The following FTCDNL1 variants were observed in gnomAD, a reference collection of about 807,000 sequenced individuals.
FTCDNL1 encodes formiminotransferase cyclodeaminase N-terminal like, also known as formiminotransferase N-terminal subdomain-containing protein.
FTCDNL1 carries 11 observed loss-of-function variants against 5.9 expected under a neutral mutation model. The ratio of observed to expected loss-of-function variants is 1.87; its 90% CI spans 1.18 to 3.10. The LOEUF is 3.10. Among genes scored for constraint, FTCDNL1 ranks in the 30% most tolerant of loss-of-function variants. The pLI is 0.00. For synonymous variants in FTCDNL1, 58 were observed against 24.8 expected, an observed-to-expected ratio of 2.34 and a Z score of -3.99; for missense variants, 115 against 65.5, an observed-to-expected ratio of 1.76 and a Z score of -2.61.
At chr2:199,733,134 C>G in the FTCDNL1 span, among the ~76,000 whole-genome samples, 2 of 152,242 alleles carry the variant, frequency 1.3e-5, no homozygotes, top group African/African-American at 4.8e-5. Flanking sequence ...TTGCCATAAG[C>G]ACAGAATGAT....
At chr2:199,687,969 G>A in the FTCDNL1 span, among the ~76,000 whole-genome samples, 20 of 152,074 alleles carry the variant, frequency 1.3e-4, no homozygotes, top group African/African-American at 4.3e-4. Flanking sequence ...TCTCTGGGTC[G>A]CGTGTGGTGG....
the FTCDNL1 span, among the ~76,000 whole-genome samples, chr2:199,707,635 G>A: frequency 6.6e-6 from 1 of 151,270 alleles, no homozygotes; most frequent in African/African-American, 2.4e-5. Flanking sequence ...TCGTAGAGCA[G>A]GTCTACTGAT....
At chr2:199,746,229 T>C in the FTCDNL1 span, among the ~76,000 whole-genome samples, 1 of 152,190 alleles carries the variant, frequency 6.6e-6, no homozygotes, top group Non-Finnish European at 1.5e-5. Flanking sequence ...CCTCTGACAG[T>C]TGTGTCGTAC....
At chr2:199,815,615 C>T (rs1193142733) in intron 4 of FTCDNL1, among the ~76,000 whole-genome samples, 1 of 151,984 alleles carries the variant, frequency 6.6e-6, no homozygotes, top group Non-Finnish European at 1.5e-5. Context: ...TTGTTGGGAA[C>T]CAAATTCATT....
At chr2:199,739,182 A>T in the FTCDNL1 span, among the ~76,000 whole-genome samples, 1 of 152,212 alleles carries the variant, frequency 6.6e-6, no homozygotes, top group African/African-American at 2.4e-5. Context: ...AGTTTGAAGC[A>T]GTGTGGCTAT....
the FTCDNL1 span, among the ~76,000 whole-genome samples, chr2:199,681,139 G>A: frequency 6.6e-6 from 1 of 152,232 alleles, no homozygotes; most frequent in Admixed American, 6.5e-5. Flanking sequence ...ATGGCATGGT[G>A]TGGGAAAAGA....
intron 4 of FTCDNL1, among the ~76,000 whole-genome samples, chr2:199,815,347 G>C (rs1701289109): frequency 6.6e-6 from 1 of 152,108 alleles, no homozygotes; most frequent in African/African-American, 2.4e-5. Flanking sequence ...ACAGAAACCT[G>C]TTTCCTTATA....
chr2:199,735,115 GAAAAAA>G, the FTCDNL1 span, among the ~76,000 whole-genome samples: 29 of 81,598 alleles, frequency 3.6e-4, no homozygotes, highest in African/African-American at 1.2e-3. Context: ...ACTACCTTTA[GAAAAAA>G]AAAAAAAAAA....
At chr2:199,713,773 T>C in the FTCDNL1 span, among the ~76,000 whole-genome samples, 1 of 152,202 alleles carries the variant, frequency 6.6e-6, no homozygotes, top group Non-Finnish European at 1.5e-5. Context: ...ATCTAAATAG[T>C]AACAATAATC....
At chr2:199,838,531 G>A (rs1024156217) in intron 3 of FTCDNL1, among the ~76,000 whole-genome samples, 2 of 152,230 alleles carry the variant, frequency 1.3e-5, no homozygotes, top group African/African-American at 4.8e-5. Flanking sequence ...GAAAATGTGT[G>A]AGGGGGATGT....
At chr2:199,758,223 GA>G (rs140024022), downstream of FTCDNL1, among the ~76,000 whole-genome samples, 4,355 of 148,630 alleles carry the variant, frequency 0.029, 131 homozygotes, top group East Asian at 0.17. Flanking sequence ...AAGAGAACTG[GA>G]AAAAAAAAAT....
At chr2:199,737,946 CCTGT>C in the FTCDNL1 span, among the ~76,000 whole-genome samples, 2 of 152,172 alleles carry the variant, frequency 1.3e-5, no homozygotes, top group African/African-American at 4.8e-5. Flanking sequence ...CCTGTTTCTT[CCTGT>C]CTGTTGGGGA....
chr2:199,735,465 CT>C, the FTCDNL1 span, among the ~76,000 whole-genome samples: 18,533 of 148,788 alleles, frequency 0.12, 1,401 homozygotes, highest in Middle Eastern at 0.3. Context: ...TATTACCCTG[CT>C]TTTTTTTTTA....
chr2:199,784,316 C>T (rs1699527007), intron 3 of FTCDNL1, among the ~76,000 whole-genome samples: 1 of 152,178 alleles, frequency 6.6e-6, no homozygotes, highest in Admixed American at 6.5e-5. Context: ...TCTGGTCTAC[C>T]TATGTGTAAT....
chr2:199,720,093 T>C, the FTCDNL1 span, among the ~76,000 whole-genome samples: 1 of 152,178 alleles, frequency 6.6e-6, no homozygotes, highest in East Asian at 1.9e-4. Flanking sequence ...ATGCTATTGA[T>C]TTCTGTACAA....
chr2:199,743,843 A>G, the FTCDNL1 span, among the ~76,000 whole-genome samples: 4 of 152,062 alleles, frequency 2.6e-5, no homozygotes, highest in African/African-American at 4.8e-5. Flanking sequence ...CTGGTAAACA[A>G]TTTGCATTTT....
At chr2:199,692,015 A>C in the FTCDNL1 span, among the ~76,000 whole-genome samples, 2 of 152,242 alleles carry the variant, frequency 1.3e-5, no homozygotes, top group Admixed American at 6.5e-5. Flanking sequence ...CATAAGGTAC[A>C]TTTTATACTG....
At chr2:199,789,660 C>T (rs1559188689) in intron 3 of FTCDNL1, among the ~76,000 whole-genome samples, 1 of 151,920 alleles carries the variant, frequency 6.6e-6, no homozygotes, top group Non-Finnish European at 1.5e-5. Flanking sequence ...AATGAAGATA[C>T]AAAATTACTT....
chr2:199,799,784 T>C (rs962245462), intron 3 of FTCDNL1, among the ~76,000 whole-genome samples: 2 of 152,194 alleles, frequency 1.3e-5, no homozygotes, highest in African/African-American at 4.8e-5. Flanking sequence ...TGCACAACCC[T>C]AATACTCTTG....
Sources: gnomAD v4.1 joint callset for allele counts (sites outside exome capture counted in the v4.1 genomes callset) on GRCh38, gnomAD v4.1.1 for gene constraint, MANE v1.5 for transcripts, NCBI Gene and HGNC (gene_info 2026-07-23, HGNC 2026-07-21) for gene names.